ZNF611: variants seen among roughly 807,000 people sequenced by gnomAD.
ZNF611 encodes zinc finger protein 611.
Under a neutral mutation model 8.9 loss-of-function variants are expected in ZNF611, and 6 were observed. The observed-to-expected ratio is 0.68, with a 90% CI of 0.37 to 1.34. The LOEUF (loss-of-function observed/expected upper bound fraction) is 1.34, where lower values mean the gene tolerates loss of function less well. ZNF611 is among the 40% of genes most tolerant of loss of function. The probability of loss-of-function intolerance (pLI) is 0.02; values close to 1 mark genes in which losing one functional copy is unlikely to be tolerated. For missense variants in ZNF611, 874 were observed against 841.3 expected (o/e 1.04, Z -0.48); for synonymous variants, 262 against 279.7 (o/e 0.94, Z 0.63).
chr19:52,729,684 T>G (rs2062413903), intron 2 of ZNF611: 1 of 152,112 alleles, frequency 6.6e-6, no homozygotes, highest in East Asian at 1.9e-4. Flanking sequence ...ATCTTAAATA[T>G]TAGTCAGTAA....
In ZNF611 at chr19:52,703,514, G is replaced by C. The variant is rs1321666092; in HGVS notation, c.*1423C>G. The C allele has an allele frequency of 6.6e-6, 1 of 151,654 alleles. No homozygotes were observed. Among genetic ancestry groups the C allele is most frequent in the African/African-American group, 2.4e-5 (1 of 41,282 alleles). The allele number at this position is 151,654 out of a possible 1,614,324, so 9.4% of individuals were successfully genotyped here. ...GGTGCTTTTGAAATTGTGACCTTAG[G>C]TGACCAGTTCACATGGGTCGACCAA... On this transcript the variant is annotated 3_prime_UTR_variant, in exon 6 of 6. Transcript: ENST00000652185.
At chr19:52,711,706 T>A (rs181883650) in intron 5 of ZNF611, among the ~76,000 whole-genome samples, 3 of 152,246 alleles carry the variant, frequency 2.0e-5, no homozygotes, top group Non-Finnish European at 4.4e-5. Flanking sequence ...ACACACTGAT[T>A]TAAGCGGCCT....
intron 1 of ZNF611, among the ~76,000 whole-genome samples, chr19:52,732,920 C>T (rs1412901236): frequency 1.3e-5 from 2 of 151,924 alleles, no homozygotes; most frequent in Non-Finnish European, 2.9e-5. Flanking sequence ...CGCCACTGCA[C>T]ACCAGCCTGG....
intron 5 of ZNF611, among the ~76,000 whole-genome samples, chr19:52,709,949 A>G (rs988952404): frequency 4.6e-5 from 7 of 152,182 alleles, no homozygotes; most frequent in African/African-American, 1.7e-4. Flanking sequence ...CGGCAGGAAG[A>G]CGGCTGGGCT....
chr19:52,715,067 A>G (rs2062307626), intron 4 of ZNF611, among the ~76,000 whole-genome samples: 1 of 152,196 alleles, frequency 6.6e-6, no homozygotes, highest in Non-Finnish European at 1.5e-5. Context: ...CATGCCAGAT[A>G]TTATGTTCAA....
rs2062232259 is a variant in ZNF611, at chr19:52,705,249, G to C, written c.1806C>G (p.Thr602=). The C allele has an allele frequency of 6.2e-7, 1 of 1,613,906 alleles. No homozygotes were observed. The highest frequency in any genetic ancestry group is 1.3e-5 in the African/African-American group (1 of 74,888). ...KPYKCNECSK[T]FSRRSSLHCH... is the part of the protein sequence containing the mutation. ...AATGAAGGGATGACCTGCGACTGAA[G>C]GTCTTGCTGCACTCATTACACTTGT... The change falls in exon 6 of 6, where the codon ACC becomes ACG. Residue 602 remains threonine (T), a synonymous_variant. Transcript: ENST00000652185.
rs751118953 is a variant in ZNF611, at chr19:52,706,380, G to A, written c.675C>T (p.His225=). 6.2e-7 allele frequency: 1 copy of A among 1,614,188 alleles called. No individual in the cohort carries two copies. Among genetic ancestry groups the A allele is most frequent in the Non-Finnish European group, 8.5e-7 (1 of 1,180,036 alleles). The change falls in exon 6 of 6, where the codon CAC becomes CAT. Residue 225 remains histidine (H), a synonymous_variant. Transcript: ENST00000652185. ...SSLLPQKQEV[H]MREKSFQCNK... Reference sequence around the variant, plus strand: ...TACATTGGAAAGATTTTTCTCTCATGTGTACTTCCTGTTTTTGTGGGAGTA... The same window carrying A: ...TACATTGGAAAGATTTTTCTCTCATATGTACTTCCTGTTTTTGTGGGAGTA...
In ZNF611 at chr19:52,712,496, G is replaced by A. The variant is rs575649241; in HGVS notation, c.190+1519C>T. Among the ~76,000 whole-genome samples the A allele has an allele frequency of 2.1e-3, 287 of 138,106 alleles. 1 individual carries two copies. Among genetic ancestry groups the A allele is most frequent in the African/African-American group, 7.4e-3 (270 of 36,250 alleles). 90.6% of individuals were successfully genotyped at this position (138,106 alleles called of 152,430 possible). ...AAAAAAAAAAAAAAAAACATTGGCC[G>A]GGCATGGTGATGCACATCTATGACC... On this transcript the variant is annotated intron_variant, in intron 5 of 5. Transcript: ENST00000652185.
chr19:52,710,555 A>G (rs1472841302), intron 5 of ZNF611, among the ~76,000 whole-genome samples: 1 of 151,990 alleles, frequency 6.6e-6, no homozygotes, highest in African/African-American at 2.4e-5. Context: ...AGTAGGTTCA[A>G]GTTTTCATTA....
chr19:52,727,620 G>C (rs563420218), intron 3 of ZNF611, among the ~76,000 whole-genome samples: 18 of 152,238 alleles, frequency 1.2e-4, no homozygotes, highest in African/African-American at 4.3e-4. Context: ...TTTTAGTAGA[G>C]ACAGAGTTTC....
At chr19:52,712,538 C>T (rs1385078553) in intron 5 of ZNF611, among the ~76,000 whole-genome samples, 36 of 142,742 alleles carry the variant, frequency 2.5e-4, no homozygotes, top group Admixed American at 2.5e-3. Flanking sequence ...ACTTAGGAGG[C>T]TGAGGTAGCA....
rs1240603307 is a variant in ZNF611 at position 52,717,050 on chromosome 19, C to T, written c.-19-1137G>A. ...TTCATCTCAAAAAAAAAAAAGGAAA[C>T]TCAAAAGACTGCAACCATTTGTGCC... On this transcript the variant is annotated intron_variant, in intron 3 of 5. Coordinates refer to ENST00000652185, the MANE Select transcript of ZNF611 (RefSeq NM_001161499.2). 3.3e-5 allele frequency among the ~76,000 whole-genome samples: 5 copies of T among 151,502 alleles called. No homozygotes were observed. In the East Asian group the frequency reaches 9.7e-4, roughly 29 times the overall value.
intron 5 of ZNF611, among the ~76,000 whole-genome samples, chr19:52,710,810 G>C (rs2062274417): frequency 6.6e-6 from 1 of 152,096 alleles, no homozygotes; most frequent in Non-Finnish European, 1.5e-5. Flanking sequence ...CCATCTAATA[G>C]TACTCATTTG....
At chr19:52,729,548 T>C (rs1261646889) in intron 2 of ZNF611, among the ~76,000 whole-genome samples, 1 of 123,460 alleles carries the variant, frequency 8.1e-6, no homozygotes, top group Non-Finnish European at 1.7e-5. Context: ...ACAATGTTAA[T>C]ACAATATTTT....
rs1346379801 is a variant in ZNF611, at chr19:52,704,712, T to G, written c.*225A>C. 1 of 1,597,336 alleles carries G rather than the reference T, an allele frequency of 6.3e-7. No homozygotes were observed. Among genetic ancestry groups the G allele is most frequent in the Non-Finnish European group, 8.6e-7 (1 of 1,166,760 alleles). On this transcript the variant is annotated 3_prime_UTR_variant, in exon 6 of 6. Transcript: ENST00000652185. ...AGTCAAGTTTCCCTACACCATGAAT[T>G]GCCTGATGGTGAATAAGTGTTGACT...
At chr19:52,731,499 G>T (rs1346610370) in intron 1 of ZNF611, among the ~76,000 whole-genome samples, 1 of 151,962 alleles carries the variant, frequency 6.6e-6, no homozygotes, top group African/African-American at 2.4e-5. Flanking sequence ...GAGTAGGTGG[G>T]ATTACAGGAG....
At position 52,715,616 on chromosome 19, in the gene ZNF611, G is replaced by A. The variant is rs529326478; in HGVS notation, c.63+216C>T. ...CATGTCAGGGTGTGAGCCCTTCCCA[G>A]GACCATGCCCAGTGGAGCCTCTTCC... On this transcript the variant is annotated intron_variant, in intron 4 of 5. Coordinates refer to ENST00000652185, the MANE Select transcript of ZNF611 (RefSeq NM_001161499.2). Among the ~76,000 whole-genome samples the A allele has an allele frequency of 3.3e-5, 5 of 152,258 alleles. No individual in the cohort carries two copies. The East Asian group carries it at 7.7e-4, about 24-fold the overall frequency.
intron 3 of ZNF611, chr19:52,716,126 G>A: frequency 1.8e-6 from 1 of 542,694 alleles, no homozygotes; most frequent in Non-Finnish European, 3.2e-6. Context: ...TCCTGGAGAA[G>A]CCACCACACA....
At chr19:52,713,234 C>T (rs2062292523) in intron 5 of ZNF611, among the ~76,000 whole-genome samples, 1 of 152,104 alleles carries the variant, frequency 6.6e-6, no homozygotes, top group Non-Finnish European at 1.5e-5. Context: ...TAGAAATGAA[C>T]AAGTTGAAAG....
Sources: gnomAD v4.1 joint callset for allele counts (sites outside exome capture counted in the v4.1 genomes callset) on GRCh38, gnomAD v4.1.1 for gene constraint, MANE v1.5 for transcripts, NCBI Gene and HGNC (gene_info 2026-07-23, HGNC 2026-07-21) for gene names.